Variants in SKAP1 observed in about 807,000 individuals in gnomAD.
SKAP1 encodes the protein src kinase associated phosphoprotein 1.
In SKAP1, 44 loss-of-function variants were observed where a neutral mutation model predicts 58.5. The ratio of observed to expected loss-of-function variants is 0.75; its 90% CI spans 0.59 to 0.97. SKAP1 has a LOEUF of 0.97. SKAP1 is among the 50% of genes least tolerant of loss of function. The pLI, the probability that SKAP1 is intolerant of heterozygous loss-of-function variation, is 0.00. For synonymous variants in SKAP1, 127 were observed against 149.7 expected, an observed-to-expected ratio of 0.85 and a Z score of 1.11; for missense variants, 390 against 435.2, an observed-to-expected ratio of 0.90 and a Z score of 0.92.
chr17:48,263,260 G>A (rs1196009062), intron 4 of SKAP1, among the ~76,000 whole-genome samples: 1 of 152,112 alleles, frequency 6.6e-6, no homozygotes, highest in Non-Finnish European at 1.5e-5. Context: ...CCAATATGTG[G>A]TTCAGATTTA....
intron 2 of SKAP1, among the ~76,000 whole-genome samples, chr17:48,383,513 C>G (rs2067242264): frequency 1.3e-5 from 2 of 152,034 alleles, no homozygotes; most frequent in Non-Finnish European, 2.9e-5. Context: ...TTACAAGGCT[C>G]AAAAATAATT....
chr17:48,188,443 T>C (rs1168269979), intron 5 of SKAP1, among the ~76,000 whole-genome samples: 3 of 152,106 alleles, frequency 2.0e-5, no homozygotes, highest in Admixed American at 1.3e-4. Flanking sequence ...TCCCAGCACT[T>C]TGGGAGGCTG....
rs888354892 is a variant in SKAP1, at chr17:48,256,977, A to G, written c.281-67477T>C. 2.6e-5 allele frequency among the ~76,000 whole-genome samples: 4 copies of G among 152,206 alleles called. No individual in the cohort carries two copies. In the East Asian group the frequency reaches 5.8e-4, roughly 22 times the overall value. ...ACCCCCTAAAGTCAAAGAGGTTTTA[A>G]GTGTTCACATGTCTACTTGATTAAG... On this transcript the variant is annotated intron_variant, in intron 4 of 12. Coordinates refer to ENST00000336915, the MANE Select transcript of SKAP1 (RefSeq NM_003726.4).
chr17:48,369,261 T>A (rs2067053478), intron 2 of SKAP1, among the ~76,000 whole-genome samples: 1 of 151,736 alleles, frequency 6.6e-6, no homozygotes, highest in Non-Finnish European at 1.5e-5. Context: ...GAGGCCAAGG[T>A]GGGTATATTG....
At chr17:48,395,049 G>T (rs2067398064) in intron 2 of SKAP1, among the ~76,000 whole-genome samples, 1 of 152,154 alleles carries the variant, frequency 6.6e-6, no homozygotes, top group Admixed American at 6.5e-5. Context: ...TTTCCTGAAT[G>T]TCTACCCCAC....
chr17:48,171,734 AGTGT>A (rs3221423), intron 9 of SKAP1, among the ~76,000 whole-genome samples: 17 of 149,102 alleles, frequency 1.1e-4, no homozygotes, highest in South Asian at 8.6e-4. Context: ...AGGATGTTAG[AGTGT>A]GTGTGTGTGT....
At chr17:48,141,885 TC>T (rs1168752336) in intron 11 of SKAP1, among the ~76,000 whole-genome samples, 1 of 152,168 alleles carries the variant, frequency 6.6e-6, no homozygotes, top group East Asian at 1.9e-4. Context: ...TGGGGCTTAC[TC>T]CTAAGCAGCC....
intron 4 of SKAP1, 141 bp downstream of exon 4, chr17:48,345,764 T>C: frequency 1.6e-6 from 1 of 617,952 alleles, no homozygotes; most frequent in East Asian, 2.9e-5. Context: ...AAACAAATAG[T>C]TGTTCTTTGC....
At chr17:48,398,596 G>A (rs1039518945) in intron 1 of SKAP1, among the ~76,000 whole-genome samples, 4 of 152,048 alleles carry the variant, frequency 2.6e-5, no homozygotes, top group African/African-American at 9.7e-5. Context: ...AAAAGGTTGG[G>A]GACCCCTGAT....
At position 48,294,675 on chromosome 17, in the gene SKAP1, T is replaced by C. The variant is rs188215256; in HGVS notation, c.280+51230A>G. On this transcript the variant is annotated intron_variant, in intron 4 of 12. Coordinates refer to ENST00000336915, the MANE Select transcript of SKAP1 (RefSeq NM_003726.4). ...GGGAAATTATGACATGTTATACACA[T>C]AAATAGATGCCCTACATAGTACATG... 4.6e-5 allele frequency among the ~76,000 whole-genome samples: 7 copies of C among 152,318 alleles called. No homozygotes were observed. The East Asian group carries it at 1.3e-3, about 29-fold the overall frequency.
intron 6 of SKAP1, chr17:48,185,919 T>C (rs1021016276): frequency 6.6e-6 from 1 of 152,148 alleles, no homozygotes; most frequent in African/African-American, 2.4e-5. Context: ...AAATGTTTTG[T>C]TGTTTCTTTG....
intron 4 of SKAP1, chr17:48,231,778 C>T (rs1049958709): frequency 3.3e-5 from 5 of 152,194 alleles, no homozygotes; most frequent in African/African-American, 1.2e-4. Context: ...CCTCACCTCA[C>T]TGCAGGGTTA....
intron 1 of SKAP1, among the ~76,000 whole-genome samples, chr17:48,414,812 C>A (rs1409000444): frequency 1.3e-5 from 2 of 152,174 alleles, no homozygotes; most frequent in Non-Finnish European, 2.9e-5. Context: ...TCTGAGTTGG[C>A]AAGATGCACC....
intron 4 of SKAP1, among the ~76,000 whole-genome samples, chr17:48,195,589 T>C (rs1474944128): frequency 2.0e-5 from 3 of 152,148 alleles, no homozygotes; most frequent in African/African-American, 7.2e-5. Flanking sequence ...GAACTGTTCA[T>C]GGAGAAATAA....
chr17:48,260,752 G>A (rs1164107765), intron 4 of SKAP1, among the ~76,000 whole-genome samples: 12 of 152,058 alleles, frequency 7.9e-5, no homozygotes, highest in Non-Finnish European at 5.9e-5. Context: ...CAAGGTAAAC[G>A]TCCAGATCAA....
chr17:48,182,403 A>G lies in SKAP1; in HGVS notation c.622T>C (p.Leu208=). 6.2e-7 allele frequency: 1 copy of G among 1,606,986 alleles called. No individual in the cohort carries two copies. Among genetic ancestry groups the G allele is most frequent in the Non-Finnish European group, 8.5e-7 (1 of 1,175,536 alleles). ...TAACAATGACACTTACCCTTTAACA[A>G]GAAACTTATTTGATCCACCCAGTCT... ...ARDWVDQISF[L]LKDLSSLTIP... is the part of the protein sequence containing the mutation. Residue 208 remains leucine (L), a synonymous_variant, in exon 8 of 13, where the codon TTG becomes CTG. Transcript: ENST00000336915.
intron 4 of SKAP1, among the ~76,000 whole-genome samples, chr17:48,276,164 C>A (rs989792621): frequency 1.3e-5 from 2 of 151,334 alleles, no homozygotes; most frequent in African/African-American, 4.9e-5. Flanking sequence ...CCGTAATCTA[C>A]CCCCCCAGCC....
chr17:48,361,947 G>C (rs2066944022), intron 3 of SKAP1, among the ~76,000 whole-genome samples: 1 of 152,090 alleles, frequency 6.6e-6, no homozygotes, highest in South Asian at 2.1e-4. Context: ...AAAAGGGCAA[G>C]GTAAAAGATA....
chr17:48,425,346 C>T (rs1369323469), intron 1 of SKAP1, among the ~76,000 whole-genome samples: 1 of 152,010 alleles, frequency 6.6e-6, no homozygotes, highest in Non-Finnish European at 1.5e-5. Flanking sequence ...CAAATATGTC[C>T]CAACTTTTAA....
Sources: allele counts gnomAD v4.1 joint callset (sites outside exome capture counted in the v4.1 genomes callset), GRCh38; gene constraint gnomAD v4.1.1; transcripts MANE v1.5; gene names NCBI Gene and HGNC (gene_info 2026-07-23, HGNC 2026-07-21).